GALNT2: variants seen among roughly 807,000 people sequenced by gnomAD.
GALNT2 encodes polypeptide N-acetylgalactosaminyltransferase 2, also known as UDP-GalNAc:polypeptide N-acetylgalactosaminyltransferase 2.
GALNT2 carries 31 observed loss-of-function variants against 81.4 expected under a neutral mutation model. The observed-to-expected ratio is 0.38, with a 90% CI of 0.29 to 0.51. The LOEUF (loss-of-function observed/expected upper bound fraction) is 0.51. GALNT2 is among the 20% of genes least tolerant of loss of function. The pLI is 0.87. For synonymous variants in GALNT2, 303 were observed against 287.4 expected, an observed-to-expected ratio of 1.05 and a Z score of -0.55; for missense variants, 629 against 765.7, an observed-to-expected ratio of 0.82 and a Z score of 2.11.
At chr1:230,128,883 A>C (rs1661279872) in intron 1 of GALNT2, among the ~76,000 whole-genome samples, 1 of 152,184 alleles carries the variant, frequency 6.6e-6, no homozygotes, top group African/African-American at 2.4e-5. Flanking sequence ...GGGACATCTC[A>C]TGCCTCAGCA....
intron 3 of GALNT2, among the ~76,000 whole-genome samples, chr1:230,216,609 G>T (rs1441636726): frequency 6.6e-6 from 1 of 152,136 alleles, no homozygotes; most frequent in African/African-American, 2.4e-5. Context: ...AAATTGTTTA[G>T]TAGAGATGGG....
intron 1 of GALNT2, among the ~76,000 whole-genome samples, chr1:230,084,343 G>T (rs568052325): frequency 1.3e-5 from 2 of 152,338 alleles, no homozygotes; most frequent in East Asian, 3.9e-4. Flanking sequence ...GAGGCCTGTT[G>T]ACCAGAATGA....
At chr1:230,278,707 A>G (rs1020401425) in intron 15 of GALNT2, among the ~76,000 whole-genome samples, 1 of 152,218 alleles carries the variant, frequency 6.6e-6, no homozygotes, top group Non-Finnish European at 1.5e-5. Context: ...GCACACCAGT[A>G]GAGAACAGAC....
At chr1:230,198,856 G>T (rs184572862) in intron 2 of GALNT2, among the ~76,000 whole-genome samples, 2 of 152,210 alleles carry the variant, frequency 1.3e-5, no homozygotes, top group African/African-American at 2.4e-5. Context: ...TATTTAATAA[G>T]CAAACTTTTC....
chr1:230,129,125 G>T (rs988694031), intron 1 of GALNT2, among the ~76,000 whole-genome samples: 7 of 152,214 alleles, frequency 4.6e-5, no homozygotes, highest in African/African-American at 1.7e-4. Flanking sequence ...CTGTTCGTTT[G>T]TAGTCTGTTT....
intron 1 of GALNT2, among the ~76,000 whole-genome samples, chr1:230,175,759 C>T (rs76753937): frequency 0.09 from 13,517 of 150,844 alleles, 675 homozygotes; most frequent in South Asian, 0.18. Context: ...AGGTTTTGGC[C>T]TGGGAGTCCA....
At chr1:230,082,003 T>G (rs868311542) in intron 1 of GALNT2, among the ~76,000 whole-genome samples, 4 of 152,192 alleles carry the variant, frequency 2.6e-5, no homozygotes, top group South Asian at 2.1e-4. Context: ...TGCAGGTACT[T>G]CTGGGGCTGG....
At chr1:230,151,618 C>CGT (rs1187835595) in intron 1 of GALNT2, among the ~76,000 whole-genome samples, 1 of 152,110 alleles carries the variant, frequency 6.6e-6, no homozygotes, top group Non-Finnish European at 1.5e-5. Flanking sequence ...GTGCCCACCA[C>CGT]GTAAGCTAAG....
intron 11 of GALNT2, among the ~76,000 whole-genome samples, chr1:230,256,318 C>T (rs978498484): frequency 1.2e-4 from 18 of 151,938 alleles, no homozygotes; most frequent in African/African-American, 2.9e-4. Context: ...TAGTGGCAGG[C>T]GCCTATAATC....
intron 1 of GALNT2, among the ~76,000 whole-genome samples, chr1:230,079,320 G>A (rs1308122642): frequency 6.6e-6 from 1 of 152,262 alleles, no homozygotes; most frequent in Admixed American, 6.5e-5. Flanking sequence ...ATGCTTTAGA[G>A]CCATTGCTCA....
At chr1:230,143,240 ACT>A (rs57707264) in intron 1 of GALNT2, among the ~76,000 whole-genome samples, 1,556 of 152,088 alleles carry the variant, frequency 0.01, 29 homozygotes, top group African/African-American at 0.036. Context: ...CAGGGTCCTC[ACT>A]CTCTCTGGCT....
intron 1 of GALNT2, among the ~76,000 whole-genome samples, chr1:230,121,222 C>G (rs993914523): frequency 1.3e-5 from 2 of 152,222 alleles, no homozygotes; most frequent in African/African-American, 4.8e-5. Context: ...CATGGTGCTG[C>G]ACCTGCCTGC....
intron 1 of GALNT2, among the ~76,000 whole-genome samples, chr1:230,060,642 C>T (rs1332037900): frequency 2.6e-5 from 4 of 152,164 alleles, no homozygotes; most frequent in African/African-American, 7.2e-5. Flanking sequence ...TCTTCCTCCC[C>T]TAACCACTTC....
chr1:230,119,490 A>T (rs1304338622), intron 1 of GALNT2, among the ~76,000 whole-genome samples: 1 of 152,156 alleles, frequency 6.6e-6, no homozygotes, highest in Non-Finnish European at 1.5e-5. Flanking sequence ...TTGGACCTGG[A>T]GGCACAGGGC....
At chr1:230,141,021 T>C (rs907852356) in intron 1 of GALNT2, among the ~76,000 whole-genome samples, 3 of 152,224 alleles carry the variant, frequency 2.0e-5, no homozygotes, top group African/African-American at 7.2e-5. Flanking sequence ...GTGTGTCTAT[T>C]TTGAAACAAA....
chr1:230,231,997 T>C lies in GALNT2; in HGVS notation c.375-4017T>C, dbSNP rs574053096. ...CCCAAAGAAAGCTCAAGTATGAAAG[T>C]GCCCCTGGCAGCCAGCTCCCCTGTT... is the stretch of plus-strand genomic sequence containing the variant. On this transcript the variant is annotated intron_variant, in intron 3 of 15. Transcript: ENST00000366672. Among the ~76,000 whole-genome samples, 4 of 152,346 alleles carry C rather than the reference T, an allele frequency of 2.6e-5. No individual in the cohort carries two copies. The South Asian group carries it at 6.2e-4, about 24-fold the overall frequency.
intron 1 of GALNT2, among the ~76,000 whole-genome samples, chr1:230,060,122 T>G (rs750095217): frequency 7.9e-5 from 12 of 152,236 alleles, no homozygotes; most frequent in Non-Finnish European, 1.8e-4. Context: ...CTGGGACATT[T>G]CCTTACTCTT....
intron 1 of GALNT2, among the ~76,000 whole-genome samples, chr1:230,104,909 G>A (rs1054288803): frequency 5.3e-5 from 8 of 152,234 alleles, no homozygotes; most frequent in Admixed American, 1.3e-4. Flanking sequence ...CGTTCTAAGC[G>A]TAGGTTTTGC....
intron 3 of GALNT2, among the ~76,000 whole-genome samples, chr1:230,218,368 T>A (rs1391336414): frequency 6.6e-6 from 1 of 152,216 alleles, no homozygotes; most frequent in Non-Finnish European, 1.5e-5. Context: ...GTCTCCCATG[T>A]TGGAATCCCA....
Sources: gnomAD v4.1 joint callset for allele counts (sites outside exome capture counted in the v4.1 genomes callset) on GRCh38, gnomAD v4.1.1 for gene constraint, MANE v1.5 for transcripts, NCBI Gene and HGNC (gene_info 2026-07-23, HGNC 2026-07-21) for gene names.